The following CSMD3 variants were observed in gnomAD, a reference collection of about 807,000 sequenced individuals.
The protein encoded by CSMD3 is CUB and sushi domain-containing protein 3.
CSMD3 carries 177 observed loss-of-function variants against 435.2 expected under a neutral mutation model. That is an observed-to-expected ratio of 0.41 (90% CI 0.36 to 0.46). CSMD3 has a LOEUF of 0.46. Among genes scored for constraint, CSMD3 ranks in the 20% least tolerant of loss-of-function variants. The pLI is 0.34. For synonymous variants in CSMD3, 1,656 were observed against 1,520.5 expected (o/e 1.09, Z -2.07); for missense variants, 4,265 against 4,504.6 (o/e 0.95, Z 1.52).
At position 112,408,322 on chromosome 8, in the gene CSMD3, G is replaced by A. The variant is rs2130062334; in HGVS notation, c.5601C>T (p.Tyr1867=). 2 of 1,588,880 alleles carry A rather than the reference G, an allele frequency of 1.3e-6. No individual in the cohort carries two copies. Among genetic ancestry groups the A allele is most frequent in the Non-Finnish European group, 1.7e-6 (2 of 1,157,486 alleles). The part of the protein sequence containing the change: ...PITAKGFHFV[Y]QAVPRTSSTQ... The stretch of plus-strand genomic sequence containing the variant: ...CTAGACTACAGGGTCACTTACCTTG[G>A]TAAACAAAGTGAAATCCCTTAGCTG... Residue 1867 remains tyrosine (Y), a synonymous_variant, in exon 34 of 71, where the codon TAC becomes TAT. Coordinates refer to ENST00000297405, the MANE Select transcript of CSMD3 (RefSeq NM_198123.2).
chr8:112,808,772 A>G (rs2079152638), intron 12 of CSMD3, among the ~76,000 whole-genome samples: 1 of 151,770 alleles, frequency 6.6e-6, no homozygotes, highest in Non-Finnish European at 1.5e-5. Context: ...CCAAAGTATA[A>G]CAGAAAATCT....
intron 5 of CSMD3, among the ~76,000 whole-genome samples, chr8:113,093,928 C>A (rs531111267): frequency 6.6e-6 from 1 of 152,120 alleles, no homozygotes; most frequent in Admixed American, 6.6e-5. Flanking sequence ...CCATATTGTT[C>A]CCTTGACTTC....
chr8:113,342,410 A>G (rs1020968), intron 1 of CSMD3, among the ~76,000 whole-genome samples: 1,925 of 152,278 alleles, frequency 0.013, 50 homozygotes, highest in African/African-American at 0.044. Flanking sequence ...CTATTTGCAG[A>G]CTAATAAGCA....
At chr8:113,192,990 A>T (rs569763612) in intron 3 of CSMD3, among the ~76,000 whole-genome samples, 1 of 151,488 alleles carries the variant, frequency 6.6e-6, no homozygotes, top group African/African-American at 2.4e-5. Flanking sequence ...GATTGTCTTG[A>T]TTGCTTTGTT....
chr8:113,364,593 C>G (rs2094299296), intron 1 of CSMD3, among the ~76,000 whole-genome samples: 1 of 152,034 alleles, frequency 6.6e-6, no homozygotes, highest in South Asian at 2.1e-4. Flanking sequence ...AAATGAATCT[C>G]TAAACGATAC....
At chr8:112,944,728 G>A (rs2083552631) in intron 9 of CSMD3, among the ~76,000 whole-genome samples, 1 of 151,230 alleles carries the variant, frequency 6.6e-6, no homozygotes, top group Non-Finnish European at 1.5e-5. Context: ...GTCCCTGCTT[G>A]CCCTTTAAAG....
chr8:112,994,891 A>G (rs993096517), intron 6 of CSMD3, among the ~76,000 whole-genome samples: 1 of 151,618 alleles, frequency 6.6e-6, no homozygotes, highest in Non-Finnish European at 1.5e-5. Context: ...CACCAGTGTT[A>G]CAAAAGTCTT....
chr8:112,544,139 G>C (rs1466719688), intron 27 of CSMD3, among the ~76,000 whole-genome samples: 1 of 152,066 alleles, frequency 6.6e-6, no homozygotes, highest in Non-Finnish European at 1.5e-5. Flanking sequence ...AAGCTTTAGG[G>C]ACCTGCTATA....
chr8:112,788,648 A>G (rs752515855), intron 13 of CSMD3, among the ~76,000 whole-genome samples: 14 of 152,228 alleles, frequency 9.2e-5, no homozygotes, highest in Non-Finnish European at 1.3e-4. Context: ...ATATTTTACA[A>G]TGTACCCTAT....
At chr8:112,225,010 C>T (rs183041102) in intron 70 of CSMD3, 80 bp from the exon 71 acceptor site, 21 of 1,285,322 alleles carry the variant, frequency 1.6e-5, no homozygotes, top group Middle Eastern at 1.9e-4. Context: ...TAATGTACAT[C>T]GTTAGCAGAT....
rs141027355 is a variant in CSMD3, at chr8:112,888,232, G to A, written c.1634-28966C>T. 7.7e-3 allele frequency among the ~76,000 whole-genome samples: 1,171 copies of A among 151,676 alleles called. 14 individuals are homozygous for A. Among genetic ancestry groups the A allele is most frequent in the African/African-American group, 0.027 (1,117 of 41,450 alleles). On this transcript the variant is annotated intron_variant, in intron 10 of 70. Coordinates refer to ENST00000297405, the MANE Select transcript of CSMD3 (RefSeq NM_198123.2). ...TGAAACAGAGATGTTTGCTATCCTT[G>A]TGTTTCCTGTAGGTCATTCTCTAGG...
Position 112,685,874 on chromosome 8 carries a change from C to T in CSMD3, c.2156-142G>A, listed in dbSNP as rs2075999572. 6.1e-6 allele frequency: 4 copies of T among 652,676 alleles called. No individual in the cohort carries two copies. In the South Asian group the frequency reaches 6.4e-5, roughly 10 times the overall value. The allele number at this position is 652,676 out of a possible 1,614,324, so 40.4% of individuals were successfully genotyped here. Reference sequence around the variant, plus strand: ...ATGTAAATTATAAAACAGAACAAAACGGTTACCATTTTTACATATTGAAAA... The same window carrying T: ...ATGTAAATTATAAAACAGAACAAAATGGTTACCATTTTTACATATTGAAAA... On this transcript the variant is annotated intron_variant, in intron 14 of 70. Coordinates refer to ENST00000297405, the MANE Select transcript of CSMD3 (RefSeq NM_198123.2).
chr8:113,207,088 A>G (rs906517160), intron 3 of CSMD3, among the ~76,000 whole-genome samples: 9 of 152,124 alleles, frequency 5.9e-5, no homozygotes, highest in Admixed American at 2.0e-4. Context: ...CATGTTGGTA[A>G]GTTCCCTATG....
chr8:112,452,338 G>C (rs911969179), intron 32 of CSMD3, among the ~76,000 whole-genome samples: 2 of 152,034 alleles, frequency 1.3e-5, no homozygotes, highest in African/African-American at 4.8e-5. Context: ...GAAAATATGA[G>C]GATCCCTAAT....
intron 5 of CSMD3, among the ~76,000 whole-genome samples, chr8:113,087,841 A>G (rs1458742328): frequency 2.0e-5 from 3 of 152,222 alleles, no homozygotes; most frequent in African/African-American, 7.2e-5. Flanking sequence ...TGGCAACAAA[A>G]GCCAAAATTG....
chr8:112,612,250 T>A (rs948002014), intron 22 of CSMD3, among the ~76,000 whole-genome samples: 2 of 152,202 alleles, frequency 1.3e-5, no homozygotes, highest in Admixed American at 6.5e-5. Flanking sequence ...ATAACAGATA[T>A]ATGAACACTA....
chr8:113,270,280 G>A (rs1352068179), intron 3 of CSMD3, among the ~76,000 whole-genome samples: 11 of 144,448 alleles, frequency 7.6e-5, no homozygotes, highest in Non-Finnish European at 1.5e-4. Flanking sequence ...ACACCAGTTA[G>A]AATGGCGATC....
At chr8:112,476,231 G>A (rs116474208) in intron 31 of CSMD3, among the ~76,000 whole-genome samples, 2,645 of 151,904 alleles carry the variant, frequency 0.017, 80 homozygotes, top group African/African-American at 0.06. Flanking sequence ...TTATTAGTAG[G>A]GATGGGGTTT....
chr8:112,988,363 T>C (rs2085329499), intron 6 of CSMD3, among the ~76,000 whole-genome samples: 1 of 152,106 alleles, frequency 6.6e-6, no homozygotes, highest in Admixed American at 6.6e-5. Context: ...GCATTAAAAA[T>C]GTACAACATA....
Sources: gnomAD v4.1 joint callset for allele counts (sites outside exome capture counted in the v4.1 genomes callset) on GRCh38, gnomAD v4.1.1 for gene constraint, MANE v1.5 for transcripts, NCBI Gene and HGNC (gene_info 2026-07-23, HGNC 2026-07-21) for gene names.